NUP205: variants seen among roughly 807,000 people sequenced by gnomAD.
The protein encoded by NUP205 is nuclear pore complex protein Nup205.
NUP205 carries 76 observed loss-of-function variants against 253.8 expected under a neutral mutation model. The ratio of observed to expected loss-of-function variants is 0.30; its 90% CI spans 0.25 to 0.36. The LOEUF (loss-of-function observed/expected upper bound fraction) is 0.36, where lower values mean the gene tolerates loss of function less well. NUP205 is among the 10% of genes least tolerant of loss of function. The pLI, the probability that NUP205 is intolerant of heterozygous loss-of-function variation, is 1.00. For synonymous variants in NUP205, 832 were observed against 850.1 expected, an observed-to-expected ratio of 0.98 and a Z score of 0.37; for missense variants, 2,162 against 2,425.5, an observed-to-expected ratio of 0.89 and a Z score of 2.28.
chr7:135,644,658 G>A (rs1168305372), intron 39 of NUP205, among the ~76,000 whole-genome samples: 1 of 152,172 alleles, frequency 6.6e-6, no homozygotes, highest in Non-Finnish European at 1.5e-5. Context: ...AACCCTGACT[G>A]TGTTTCAGGG....
intron 1 of NUP205, among the ~76,000 whole-genome samples, chr7:135,559,495 T>C (rs36100944): frequency 0.22 from 33,439 of 150,974 alleles, 4,237 homozygotes; most frequent in East Asian, 0.5. Context: ...CTCAGCCTCC[T>C]GAGTAGCTGG....
At chr7:135,623,040 G>A in intron 31 of NUP205, 115 bp downstream of exon 31, 1 of 995,640 alleles carries the variant, frequency 1.0e-6, no homozygotes, top group African/African-American at 1.6e-5. Context: ...TGCTTTCGAA[G>A]GCCAAGGTGG....
intron 7 of NUP205, among the ~76,000 whole-genome samples, chr7:135,579,724 C>G (rs1806253573): frequency 6.6e-6 from 1 of 152,094 alleles, no homozygotes; most frequent in Non-Finnish European, 1.5e-5. Context: ...CGGCTCACTG[C>G]AACCTCCACC....
In NUP205 at chr7:135,598,158, C is replaced by G; in HGVS notation, c.2225C>G (p.Ser742Cys). 6.2e-7 allele frequency: 1 copy of G among 1,614,098 alleles called. No homozygotes were observed. Among genetic ancestry groups the G allele is most frequent in the Non-Finnish European group, 8.5e-7 (1 of 1,179,996 alleles). Residue 742 changes from serine to cysteine, a missense_variant, in exon 15 of 43, where the codon TCT becomes TGT. This residue lies in a region of NUP205 where 892 missense variants were observed against 957.1 expected (regional missense o/e 0.93). Transcript: ENST00000285968. ...CCTTATTTGCAGTTCCTTAGAGACT[C>G]TGTGTTTCTACGATTCCGTACAAGA... ...FDPYLQFLRD[S>C]VFLRFRTRAY...
chr7:135,607,119 T>C (rs1794102528), intron 21 of NUP205, 128 bp from the exon 22 acceptor site: 1 of 1,268,246 alleles, frequency 7.9e-7, no homozygotes, highest in Non-Finnish European at 1.1e-6. Flanking sequence ...AATTTTCTGT[T>C]ATCAGTATTT....
At chr7:135,609,034 G>A (rs933248476) in intron 22 of NUP205, among the ~76,000 whole-genome samples, 1 of 148,546 alleles carries the variant, frequency 6.7e-6, no homozygotes, top group African/African-American at 2.5e-5. Flanking sequence ...TACCCGGGAG[G>A]CAGAGGTTGC....
At position 135,648,598 on chromosome 7, in the gene NUP205, G is replaced by A; in HGVS notation, c.*42G>A. 1 of 1,389,218 alleles carries A rather than the reference G, an allele frequency of 7.2e-7. No homozygotes were observed. Among genetic ancestry groups the A allele is most frequent in the South Asian group, 1.7e-5 (1 of 57,220 alleles). 86.1% of individuals were successfully genotyped at this position (1,389,218 alleles called of 1,614,324 possible). On this transcript the variant is annotated 3_prime_UTR_variant, in exon 43 of 43. Transcript: ENST00000285968. Reference sequence around the variant, plus strand: ...TCTTCTATGAGAGAGATGAATTGGGGAGAATTGTCTCCATTTTATAGATTA... The same window carrying A: ...TCTTCTATGAGAGAGATGAATTGGGAAGAATTGTCTCCATTTTATAGATTA...
chr7:135,562,416 T>G (rs1805609595), intron 1 of NUP205, among the ~76,000 whole-genome samples: 1 of 152,000 alleles, frequency 6.6e-6, no homozygotes, highest in African/African-American at 2.4e-5. Context: ...CAGGGGTGCC[T>G]CGAATTTCTG....
chr7:135,604,812 C>G (rs2129490663), intron 19 of NUP205, among the ~76,000 whole-genome samples: 1 of 152,334 alleles, frequency 6.6e-6, no homozygotes. Context: ...GAGCCCTCTG[C>G]AAGTTCTGAA....
Position 135,625,332 on chromosome 7 carries a change from C to A in NUP205, c.4648C>A (p.Leu1550Ile), listed in dbSNP as rs1256249147. 3 of 1,599,566 alleles carry A rather than the reference C, an allele frequency of 1.9e-6. No individual in the cohort carries two copies. Among genetic ancestry groups the A allele is most frequent in the Non-Finnish European group, 2.6e-6 (3 of 1,175,542 alleles). ...CCCACAGCCTCCCCTTTTAAAAGCA[C>A]TTTATACTTATGAATCTAAAATGGT... ...LTPQPPLLKA[L>I]YTYESKMAFL... The change falls in exon 32 of 43, where the codon CTT (leucine) becomes ATT (isoleucine). Residue 1550 changes from leucine to isoleucine, a missense_variant. Around this residue, in one of 5 missense-constraint regions of NUP205, gnomAD observed 1,144 missense variants for 1,280.9 expected, o/e 0.89. Coordinates refer to ENST00000285968, the MANE Select transcript of NUP205 (RefSeq NM_015135.3).
rs187823899 is a variant in NUP205 at position 135,561,107 on chromosome 7, G to A, written c.28+3135G>A. 3.8e-3 allele frequency among the ~76,000 whole-genome samples: 575 copies of A among 152,270 alleles called. 4 individuals are homozygous for A. The highest frequency in any genetic ancestry group is 0.013 in the African/African-American group (554 of 41,550). On this transcript the variant is annotated intron_variant, in intron 1 of 42. Transcript: ENST00000285968. The stretch of plus-strand genomic sequence containing the variant: ...TGCCTGTAATCCCAGCACTTTGGGA[G>A]GCTGAAGTGGGCAGATCACCTGAAG...
intron 11 of NUP205, 99 bp from the exon 12 acceptor site, chr7:135,592,888 A>G: frequency 1.1e-6 from 1 of 945,604 alleles, no homozygotes; most frequent in South Asian, 1.6e-5. Flanking sequence ...CTATCTCAAA[A>G]AAGAAAAAAG....
chr7:135,591,674 A>G, intron 11 of NUP205, 74 bp downstream of exon 11: 1 of 1,354,518 alleles, frequency 7.4e-7, no homozygotes, highest in Non-Finnish European at 1.0e-6. Context: ...ACCTATTAAG[A>G]ACATTGGTGT....
At chr7:135,633,165 A>G (rs1794746942) in intron 35 of NUP205, among the ~76,000 whole-genome samples, 1 of 151,898 alleles carries the variant, frequency 6.6e-6, no homozygotes, top group Non-Finnish European at 1.5e-5. Context: ...GGGTCTTGCT[A>G]TGTTGCCCAG....
rs757976933 is a variant in NUP205, at chr7:135,591,449, G to T, written c.1474-1G>T. 6.2e-7 allele frequency: 1 copy of T among 1,613,300 alleles called. No individual in the cohort carries two copies. The highest frequency in any genetic ancestry group is 2.2e-5 in the East Asian group (1 of 44,852). On this transcript the variant is annotated splice_acceptor_variant, in intron 10 of 42. Coordinates refer to ENST00000285968, the MANE Select transcript of NUP205 (RefSeq NM_015135.3). LOFTEE classifies it high-confidence loss of function. The stretch of plus-strand genomic sequence containing the variant: ...AAACCATTTGTTTCTCTCTTTTTCA[G>T]GTTGTCTTGTCAAAGTTTGTTAGGC...
rs191565796 is a variant in NUP205, at chr7:135,597,501, C to T, written c.2064+83C>T. On this transcript the variant is annotated intron_variant, in intron 14 of 42. Coordinates refer to ENST00000285968, the MANE Select transcript of NUP205 (RefSeq NM_015135.3). ...TCTATGAATCATTCTTACCCTTTTA[C>T]GTTTCCATAATTATCAAATTTAATG... 262 of 800,664 alleles carry T rather than the reference C, an allele frequency of 3.3e-4. 1 individual carries two copies. In the African/African-American group the frequency reaches 3.5e-3, roughly 11 times the overall value. The allele number at this position is 800,664 out of a possible 1,614,324, so 49.6% of individuals were successfully genotyped here. A position where few individuals can be genotyped will look rare whatever the true frequency, so the allele number is the denominator to read the frequency against.
intron 39 of NUP205, 73 bp from the exon 40 acceptor site, chr7:135,644,822 T>TG (rs773134494): frequency 1.0e-4 from 143 of 1,403,344 alleles, no homozygotes; most frequent in Non-Finnish European, 1.3e-4. Flanking sequence ...CATGGTGACC[T>TG]GCTGATAGTA....
chr7:135,630,408 G>A lies in NUP205; in HGVS notation c.4997G>A (p.Ser1666Asn), dbSNP rs1034391392. The change falls in exon 35 of 43, where the codon AGT becomes AAT. Residue 1666 changes from serine (S) to asparagine (N), a missense_variant. Coordinates refer to ENST00000285968, the MANE Select transcript of NUP205 (RefSeq NM_015135.3). ...GCAATTCTGCGCTGTCAGGATGTTA[G>A]TGCTGGGTCTTTGCAGGAATTGGCT... ...IQAILRCQDVSAGSLQELALL... is the reference protein window; with the variant it reads ...IQAILRCQDVNAGSLQELALL... The A allele has an allele frequency of 4.3e-6, 7 of 1,610,966 alleles. No homozygotes were observed. Among genetic ancestry groups the A allele is most frequent in the Admixed American group, 1.7e-5 (1 of 59,688 alleles).
intron 23 of NUP205, among the ~76,000 whole-genome samples, chr7:135,615,303 A>G (rs964545374): frequency 1.3e-5 from 2 of 152,176 alleles, no homozygotes; most frequent in Non-Finnish European, 2.9e-5. Flanking sequence ...GCTCGCGCCT[A>G]TAATCCCAGT....
Sources: gnomAD v4.1 joint callset for allele counts (sites outside exome capture counted in the v4.1 genomes callset) on GRCh38, gnomAD v4.1.1 for gene constraint, gnomAD v4.1.1 regional missense constraint, MANE v1.5 for transcripts, NCBI Gene and HGNC (gene_info 2026-07-23, HGNC 2026-07-21) for gene names.